The following PTPRQ variants were observed in gnomAD, a reference collection of about 807,000 sequenced individuals.
The protein encoded by PTPRQ is phosphatidylinositol phosphatase PTPRQ.
In PTPRQ, 199 loss-of-function variants were observed where a neutral mutation model predicts 246.0. That is an observed-to-expected ratio of 0.81 (90% confidence interval 0.72 to 0.91). The LOEUF (loss-of-function observed/expected upper bound fraction) is 0.91, where lower values mean the gene tolerates loss of function less well. Ranked by LOEUF, PTPRQ falls within the 40% of genes least tolerant of loss-of-function variation. The pLI, the probability that PTPRQ is intolerant of heterozygous loss-of-function variation, is 0.00. For missense variants in PTPRQ, 2,624 were observed against 2,528.4 expected (o/e 1.04, Z -0.81); for synonymous variants, 869 against 853.2 (o/e 1.02, Z -0.32).
intron 26 of PTPRQ, 131 bp downstream of exon 26, chr12:80,588,583 T>C: frequency 1.0e-6 from 1 of 1,003,364 alleles, no homozygotes. Context: ...CACTACCATA[T>C]ATAACGACAT....
rs1452055498 is a variant in PTPRQ, at chr12:80,619,390, C to G, written c.5237C>G (p.Ala1746Gly). ...ATTTCTTCTTTGTTTATAGCTCCAG[C>G]ACGACCAAAAACCAAACCAACCCCT... ...MRITMDIKAP[A>G]RPKTKPTPIY... The change falls in exon 31 of 45, where the codon GCA (alanine) becomes GGA (glycine). Residue 1746 changes from alanine to glycine, a missense_variant. Coordinates refer to ENST00000644991, the MANE Select transcript of PTPRQ (RefSeq NM_001145026.2). 1 of 1,546,632 alleles carries G rather than the reference C, an allele frequency of 6.5e-7. No homozygotes were observed. The highest frequency in any genetic ancestry group is 8.7e-7 in the Non-Finnish European group (1 of 1,144,092).
rs548352684 is a variant in PTPRQ at position 80,611,389 on chromosome 12, A to G, written c.4918+764A>G. 4.0e-5 allele frequency among the ~76,000 whole-genome samples: 6 copies of G among 150,436 alleles called. No individual in the cohort carries two copies. In the East Asian group the frequency reaches 1.2e-3, roughly 29 times the overall value. ...TAAGTATAGGAAGTAAAATTTTTTT[A>G]CAGCTAGTTTTTTTCGTTACATTAT... On this transcript the variant is annotated intron_variant, in intron 28 of 44. Coordinates refer to ENST00000644991, the MANE Select transcript of PTPRQ (RefSeq NM_001145026.2).
chr12:80,517,261 C>CA (rs201964175), intron 17 of PTPRQ, among the ~76,000 whole-genome samples: 43 of 150,434 alleles, frequency 2.9e-4, no homozygotes, highest in Non-Finnish European at 4.0e-4. Flanking sequence ...TTTCCTGTGG[C>CA]AAAAAAAAAT....
chr12:80,549,479 C>A lies in PTPRQ; in HGVS notation c.4030C>A (p.Gln1344Lys), dbSNP rs2120870145. ...TTQESVPDVV[Q>K]NMQCMATSWQ... ...TATCTCTTAAGTTCCAGATGTCGTG[C>A]AGAATATGCAGTGCATGGCAACTAG... Residue 1344 changes from glutamine to lysine, a missense_variant, in exon 25 of 45, where the codon CAG becomes AAG. Physicochemically the swap from Gln to Lys is moderately conservative, Grantham distance 53. Coordinates refer to ENST00000644991, the MANE Select transcript of PTPRQ (RefSeq NM_001145026.2). 6.5e-7 allele frequency: 1 copy of A among 1,546,488 alleles called. No individual in the cohort carries two copies. The highest frequency in any genetic ancestry group is 1.2e-5 in the South Asian group (1 of 83,352).
chr12:80,476,203 T>C (rs982660971), intron 8 of PTPRQ, among the ~76,000 whole-genome samples: 2 of 152,192 alleles, frequency 1.3e-5, no homozygotes, highest in South Asian at 2.1e-4. Flanking sequence ...GGAGCTTTGC[T>C]ATTTAAATAG....
chr12:80,485,954 A>T (rs1348998910), intron 9 of PTPRQ, among the ~76,000 whole-genome samples: 2 of 151,856 alleles, frequency 1.3e-5, no homozygotes, highest in African/African-American at 2.4e-5. Flanking sequence ...AGCTTTGGAG[A>T]CGTACAAATT....
At position 80,482,230 on chromosome 12, in the gene PTPRQ, A is replaced by T. The variant is rs879458558; in HGVS notation, c.1187-2203A>T. Among the ~76,000 whole-genome samples the T allele has an allele frequency of 5.9e-3, 889 of 150,038 alleles. 1 individual carries two copies. Among genetic ancestry groups the T allele is most frequent in the Admixed American group, 0.01 (158 of 15,070 alleles). On this transcript the variant is annotated intron_variant, in intron 8 of 44. Coordinates refer to ENST00000644991, the MANE Select transcript of PTPRQ (RefSeq NM_001145026.2). ...CTCAGAAATAACGCCGCATATCTAC[A>T]ACTATCTGATCTTTGACAAACCTGA... is the stretch of plus-strand genomic sequence containing the variant.
At chr12:80,528,218 A>C (rs745914857) in intron 17 of PTPRQ, among the ~76,000 whole-genome samples, 9 of 152,230 alleles carry the variant, frequency 5.9e-5, no homozygotes, top group Non-Finnish European at 1.0e-4. Context: ...AAAATATCTG[A>C]ATAGTTTATA....
intron 35 of PTPRQ, among the ~76,000 whole-genome samples, chr12:80,640,578 C>T (rs1899820925): frequency 2.0e-5 from 3 of 152,130 alleles, no homozygotes; most frequent in Admixed American, 1.3e-4. Flanking sequence ...CTTGCAGATA[C>T]TCTTCATTTT....
At chr12:80,605,386 C>A (rs925145926) in intron 27 of PTPRQ, among the ~76,000 whole-genome samples, 1 of 151,142 alleles carries the variant, frequency 6.6e-6, no homozygotes, top group African/African-American at 2.4e-5. Context: ...GCATAAAGAA[C>A]TTGGAACATT....
At chr12:80,463,116 T>C (rs564406919) in intron 6 of PTPRQ, among the ~76,000 whole-genome samples, 1 of 152,072 alleles carries the variant, frequency 6.6e-6, no homozygotes, top group African/African-American at 2.4e-5. Context: ...TTGAAAACTT[T>C]GAAAAAAATG....
At chr12:80,544,197 A>G (rs1366429439) in intron 23 of PTPRQ, among the ~76,000 whole-genome samples, 3 of 152,104 alleles carry the variant, frequency 2.0e-5, no homozygotes, top group Non-Finnish European at 4.4e-5. Context: ...CTTAATGCAA[A>G]ATGGGAGTTA....
chr12:80,653,721 T>C (rs1390022715), intron 38 of PTPRQ, among the ~76,000 whole-genome samples: 1 of 152,174 alleles, frequency 6.6e-6, no homozygotes, highest in Non-Finnish European at 1.5e-5. Context: ...TCATAGAATG[T>C]CGAATTGTAA....
rs1336805640 is a variant in PTPRQ, at chr12:80,467,729, TC to T, written c.911-980del. Among the ~76,000 whole-genome samples, 26 of 148,024 alleles carry T rather than the reference TC, an allele frequency of 1.8e-4. No homozygotes were observed. In the East Asian group the frequency reaches 4.9e-3, roughly 28 times the overall value. On this transcript the variant is annotated intron_variant, in intron 6 of 44. Transcript: ENST00000644991. ...GTAGGGACATGGATGAAATTGGAAATCATCATTCTCAGTAAACTATCACAAG... is the reference window on the plus strand; with the variant it reads ...GTAGGGACATGGATGAAATTGGAAATATCATTCTCAGTAAACTATCACAAG...
At chr12:80,549,006 C>A (rs552670844) in intron 24 of PTPRQ, among the ~76,000 whole-genome samples, 1 of 152,088 alleles carries the variant, frequency 6.6e-6, no homozygotes, top group Admixed American at 6.6e-5. Flanking sequence ...AAAACCAGTA[C>A]CTTTAAATTA....
rs1374462912 is a variant in PTPRQ at position 80,634,959 on chromosome 12, A to G, written c.5801A>G (p.Gln1934Arg). Residue 1934 changes from glutamine (Q) to arginine (R), a missense_variant, in exon 35 of 45, where the codon CAG becomes CGG. Transcript: ENST00000644991. ...IFAFARIRQK[Q>R]KEGGTYSPQD... ...GCTTGTTTTAGAATTCGACAGAAGCAGAAAGAAGGTGGCACATACTCTCCT... is the reference window on the plus strand; with the variant it reads ...GCTTGTTTTAGAATTCGACAGAAGCGGAAAGAAGGTGGCACATACTCTCCT... 18 of 1,550,682 alleles carry G rather than the reference A, an allele frequency of 1.2e-5. No homozygotes were observed. Among genetic ancestry groups the G allele is most frequent in the Non-Finnish European group, 1.4e-5 (16 of 1,146,512 alleles).
rs189986187 is a variant in PTPRQ, at chr12:80,508,007, G to T, written c.2557+1337G>T. Among the ~76,000 whole-genome samples the T allele has an allele frequency of 6.7e-3, 1,013 of 152,072 alleles. 8 individuals carry two copies. The highest frequency in any genetic ancestry group is 0.02 in the Middle Eastern group (6 of 294). ...ATGGTAAGAATTTGAGATCTTATAT[G>T]ATGGAATGAGACCAGTAGTGAACAT... On this transcript the variant is annotated intron_variant, in intron 16 of 44. Coordinates refer to ENST00000644991, the MANE Select transcript of PTPRQ (RefSeq NM_001145026.2).
intron 25 of PTPRQ, among the ~76,000 whole-genome samples, chr12:80,567,462 A>G (rs970379936): frequency 3.9e-5 from 6 of 152,164 alleles, no homozygotes; most frequent in Admixed American, 3.3e-4. Context: ...CATCCACCAT[A>G]TAGAGCATTT....
intron 26 of PTPRQ, among the ~76,000 whole-genome samples, chr12:80,602,478 A>G (rs1898174735): frequency 6.6e-6 from 1 of 151,786 alleles, no homozygotes; most frequent in Admixed American, 6.6e-5. Flanking sequence ...GGAAGCTGGG[A>G]GGTCCAAGAT....
Sources: allele counts gnomAD v4.1 joint callset (sites outside exome capture counted in the v4.1 genomes callset), GRCh38; gene constraint gnomAD v4.1.1; transcripts MANE v1.5; gene names NCBI Gene and HGNC (gene_info 2026-07-23, HGNC 2026-07-21).